Variants in ITGA8 observed in about 807,000 individuals in gnomAD.
ITGA8 encodes integrin alpha-8.
In ITGA8, 91 loss-of-function variants were observed where a neutral mutation model predicts 142.3. The observed-to-expected ratio is 0.64, with a 90% confidence interval of 0.54 to 0.76. ITGA8 has a LOEUF of 0.76. Ranked by LOEUF, ITGA8 falls within the 30% of genes least tolerant of loss-of-function variation. The pLI, the probability that ITGA8 is intolerant of heterozygous loss-of-function variation, is 0.00. For missense variants in ITGA8, 1,406 were observed against 1,327.7 expected (o/e 1.06, Z -0.92); for synonymous variants, 505 against 485.2 (o/e 1.04, Z -0.54).
intron 27 of ITGA8, among the ~76,000 whole-genome samples, chr10:15,546,797 TAAAG>T (rs1180883481): frequency 5.5e-5 from 4 of 72,950 alleles, no homozygotes; most frequent in South Asian, 3.4e-4. Context: ...AATGAAAAAA[TAAAG>T]AAAGGAAAGA....
intron 27 of ITGA8, among the ~76,000 whole-genome samples, chr10:15,534,866 C>T (rs998594774): frequency 4.6e-5 from 7 of 152,192 alleles, no homozygotes; most frequent in African/African-American, 1.2e-4. Flanking sequence ...CCAACTTTGG[C>T]GGCACTTGAG....
At chr10:15,603,134 G>GT (rs34946967) in intron 20 of ITGA8, among the ~76,000 whole-genome samples, 61,955 of 151,162 alleles carry the variant, frequency 0.41, 12,911 homozygotes, top group South Asian at 0.58. Flanking sequence ...TTAATTTTTT[G>GT]TTTTTTACTA....
At chr10:15,592,910 C>G (rs1660084678) in intron 21 of ITGA8, among the ~76,000 whole-genome samples, 1 of 152,192 alleles carries the variant, frequency 6.6e-6, no homozygotes, top group African/African-American at 2.4e-5. Flanking sequence ...ACTTAGAAAA[C>G]TATGATGCTT....
intron 26 of ITGA8, among the ~76,000 whole-genome samples, chr10:15,550,977 G>A (rs1451674): frequency 0.95 from 144,713 of 152,012 alleles, 69,185 homozygotes; most frequent in Non-Finnish European, 1. Context: ...AGAAGTTTAG[G>A]AAATAGAATA....
intron 25 of ITGA8, among the ~76,000 whole-genome samples, chr10:15,569,998 A>G (rs1008362590): frequency 1.3e-5 from 2 of 152,202 alleles, no homozygotes; most frequent in African/African-American, 4.8e-5. Flanking sequence ...TCACTAATGT[A>G]AACTCTCTTG....
intron 2 of ITGA8, among the ~76,000 whole-genome samples, chr10:15,711,658 C>T (rs574615647): frequency 3.3e-5 from 5 of 152,002 alleles, no homozygotes; most frequent in Non-Finnish European, 7.4e-5. Flanking sequence ...ACCTCCCCCC[C>T]AAAAGATTCC....
At chr10:15,576,066 G>A (rs1283184499) in intron 23 of ITGA8, among the ~76,000 whole-genome samples, 2 of 152,050 alleles carry the variant, frequency 1.3e-5, no homozygotes, top group Admixed American at 1.3e-4. Context: ...GATGCCGTGT[G>A]TTGTGTTAAA....
At chr10:15,545,610 C>T (rs1833653977) in intron 27 of ITGA8, among the ~76,000 whole-genome samples, 1 of 152,172 alleles carries the variant, frequency 6.6e-6, no homozygotes, top group South Asian at 2.1e-4. Context: ...TAAGAGGCTA[C>T]TACTCTCCTG....
chr10:15,604,123 T>C, intron 20 of ITGA8, 85 bp downstream of exon 20: 4 of 1,227,566 alleles, frequency 3.3e-6, no homozygotes, highest in Non-Finnish European at 4.6e-6. Context: ...AGGAAGAAAC[T>C]CTCAGCTAAG....
intron 3 of ITGA8, 102 bp from the exon 4 acceptor site, chr10:15,684,229 G>A: frequency 8.1e-7 from 1 of 1,238,658 alleles, no homozygotes; most frequent in Non-Finnish European, 1.1e-6. Context: ...ATTATTGGGT[G>A]AATTAATTGG....
At chr10:15,618,951 C>G (rs1833442636) in intron 13 of ITGA8, among the ~76,000 whole-genome samples, 1 of 152,204 alleles carries the variant, frequency 6.6e-6, no homozygotes, top group African/African-American at 2.4e-5. Flanking sequence ...CAGAGAGAGA[C>G]TGCAGATGAT....
chr10:15,565,878 C>T (rs887646611), intron 25 of ITGA8, among the ~76,000 whole-genome samples: 3 of 152,030 alleles, frequency 2.0e-5, no homozygotes, highest in African/African-American at 7.2e-5. Flanking sequence ...GCATGAGCCA[C>T]TGTGCCTAGC....
At chr10:15,717,132 T>C (rs1835469145) in intron 2 of ITGA8, among the ~76,000 whole-genome samples, 1 of 152,206 alleles carries the variant, frequency 6.6e-6, no homozygotes, top group Non-Finnish European at 1.5e-5. Context: ...AGACATTGAT[T>C]CTTCCTTTAT....
chr10:15,663,043 G>T (rs1022112569), intron 8 of ITGA8, among the ~76,000 whole-genome samples: 1 of 152,164 alleles, frequency 6.6e-6, no homozygotes, highest in Non-Finnish European at 1.5e-5. Context: ...TAGGGGTTCC[G>T]ATCCAGTGAG....
intron 26 of ITGA8, among the ~76,000 whole-genome samples, chr10:15,551,477 T>G (rs1277242249): frequency 9.2e-5 from 14 of 151,786 alleles, no homozygotes; most frequent in Non-Finnish European, 2.1e-4. Flanking sequence ...AAAGGCAAGG[T>G]GGCTGGAAGC....
intron 27 of ITGA8, 114 bp downstream of exon 27, chr10:15,548,341 C>A: frequency 4.2e-6 from 3 of 713,402 alleles, no homozygotes; most frequent in Admixed American, 6.3e-5. Context: ...AATCCATCTG[C>A]CTCGGACTTC....
At chr10:15,590,975 A>G (rs908606225) in intron 22 of ITGA8, among the ~76,000 whole-genome samples, 4 of 152,306 alleles carry the variant, frequency 2.6e-5, no homozygotes, top group South Asian at 2.1e-4. Flanking sequence ...AATTTGTGAC[A>G]TGGGTTGTGG....
At chr10:15,713,691 A>C (rs2131741095) in intron 2 of ITGA8, among the ~76,000 whole-genome samples, 1 of 152,290 alleles carries the variant, frequency 6.6e-6, no homozygotes, top group South Asian at 2.1e-4. Context: ...CAGTTGCAGA[A>C]CCAGATGCTT....
At position 15,584,296 on chromosome 10, in the gene ITGA8, AAAAAGAAAAG is replaced by A. The variant is rs61145722; in HGVS notation, c.2372+2278_2372+2287del. ...TGGGTGATGCAGCGAGACTGTCAAG[AAAAAGAAAAG>A]AAAAGAAAAGAAAAGAAATATGTGC... On this transcript the variant is annotated intron_variant, in intron 23 of 29. Transcript: ENST00000378076. Among the ~76,000 whole-genome samples the A allele has an allele frequency of 1.0e-3, 91 of 89,408 alleles. 1 individual carries two copies. In the South Asian group the frequency reaches 0.019, roughly 18 times the overall value. The allele number at this position is 89,408 out of a possible 152,430, so 58.7% of individuals were successfully genotyped here. A position where few individuals can be genotyped will look rare whatever the true frequency, so the allele number is the denominator to read the frequency against.
Sources: allele counts gnomAD v4.1 joint callset (sites outside exome capture counted in the v4.1 genomes callset), GRCh38; gene constraint gnomAD v4.1.1; transcripts MANE v1.5; gene names NCBI Gene and HGNC (gene_info 2026-07-23, HGNC 2026-07-21).